The following MSANTD1 variants were observed in gnomAD, a reference collection of about 807,000 sequenced individuals.
MSANTD1 encodes myb/SANT-like DNA-binding domain-containing protein 1.
A neutral mutation model predicts 24.2 loss-of-function variants in MSANTD1; 7 were observed. That is an observed-to-expected ratio of 0.29 (90% confidence interval 0.16 to 0.54). The LOEUF (loss-of-function observed/expected upper bound fraction) is 0.54, where lower values mean the gene tolerates loss of function less well. Ranked by LOEUF, MSANTD1 falls within the 20% of genes least tolerant of loss-of-function variation. The pLI, the probability that MSANTD1 is intolerant of heterozygous loss-of-function variation, is 0.94. For missense variants in MSANTD1, 384 were observed against 408.2 expected (o/e 0.94, Z 0.51); for synonymous variants, 177 against 181.1 (o/e 0.98, Z 0.18).
rs1230661420 is a variant in MSANTD1 at position 3,255,848 on chromosome 4, C to G, written c.720C>G (p.Thr240=). 6.5e-7 allele frequency: 1 copy of G among 1,545,516 alleles called. No individual in the cohort carries two copies. The change falls in exon 3 of 3, where the codon ACC becomes ACG. Residue 240 remains threonine (T), a synonymous_variant. Coordinates refer to ENST00000438480, the MANE Select transcript of MSANTD1 (RefSeq NM_001042690.2). ...QRRLSRAVEE[T]CREVRRVLDQ... ...GGCTGAGCCGCGCCGTGGAGGAGAC[C>G]TGCCGCGAGGTGCGCCGCGTGCTGG...
upstream of MSANTD1, chr4:3,245,280 C>A (rs362296): frequency 0.29 from 44,225 of 152,388 alleles, 7,650 homozygotes; most frequent in East Asian, 0.37. Flanking sequence ...GGAGAGCACA[C>A]CCTGTCCCCT....
chr4:3,253,570 G>A, intron 2 of MSANTD1, 88 bp downstream of exon 2: 2 of 1,358,002 alleles, frequency 1.5e-6, no homozygotes, highest in Non-Finnish European at 1.9e-6. Flanking sequence ...AAGGCCGGCG[G>A]CGGCGGCCAC....
At chr4:3,254,736 A>G (rs1170598474) in intron 2 of MSANTD1, among the ~76,000 whole-genome samples, 1 of 152,154 alleles carries the variant, frequency 6.6e-6, no homozygotes, top group Admixed American at 6.5e-5. Flanking sequence ...CACCACCTCT[A>G]CCAGAGCTCT....
intron 1 of MSANTD1, among the ~76,000 whole-genome samples, chr4:3,251,778 T>C (rs1279556812): frequency 6.6e-6 from 1 of 151,234 alleles, no homozygotes; most frequent in African/African-American, 2.4e-5. Flanking sequence ...CTGTGGAGCA[T>C]GGTTTGTTGA....
Position 3,249,388 on chromosome 4 carries a change from C to T in MSANTD1, c.166C>T (p.Leu56=). The T allele has an allele frequency of 6.3e-7, 1 of 1,589,868 alleles. No individual in the cohort carries two copies. The highest frequency in any genetic ancestry group is 8.6e-7 in the Non-Finnish European group (1 of 1,169,570). The change falls in exon 1 of 3, where the codon CTG becomes TTG. Residue 56 remains leucine (L), a synonymous_variant. Coordinates refer to ENST00000438480, the MANE Select transcript of MSANTD1 (RefSeq NM_001042690.2). ...GGACGCCGAGATGCGCGGCCTCATGCTGGTCTGGGAGGAGTTCTTCGACGA... is the reference window on the plus strand; with the variant it reads ...GGACGCCGAGATGCGCGGCCTCATGTTGGTCTGGGAGGAGTTCTTCGACGA... ...WTDAEMRGLM[L]VWEEFFDELK... is the part of the protein sequence containing the mutation.
At chr4:3,246,975 G>A (rs566440420), upstream of MSANTD1, among the ~76,000 whole-genome samples, 12 of 152,260 alleles carry the variant, frequency 7.9e-5, no homozygotes, top group South Asian at 2.1e-4. Flanking sequence ...ACTGGAACTC[G>A]GGCAGGCAGG....
At chr4:3,246,566 C>A (rs1014396828), upstream of MSANTD1, 9 of 633,886 alleles carry the variant, frequency 1.4e-5, no homozygotes, top group African/African-American at 1.1e-4. Context: ...CCTGCCGAGG[C>A]CTGACCTGCC....
Position 3,255,890 on chromosome 4 carries a change from G to T in MSANTD1, c.762G>T (p.Leu254=). ...VRRVLDQQHI[L]QVQSLQLQER... ...GCGTGCTGGACCAGCAGCACATCCT[G>T]CAGGTGCAGAGCCTGCAGCTGCAGG... Residue 254 remains leucine, a synonymous_variant, in exon 3 of 3, where the codon CTG becomes CTT. Transcript: ENST00000438480. The T allele has an allele frequency of 1.3e-6, 2 of 1,545,606 alleles. No homozygotes were observed. Among genetic ancestry groups the T allele is most frequent in the Non-Finnish European group, 8.7e-7 (1 of 1,146,124 alleles).
intron 2 of MSANTD1, among the ~76,000 whole-genome samples, chr4:3,255,183 C>T (rs952256616): frequency 2.0e-5 from 3 of 152,246 alleles, no homozygotes; most frequent in South Asian, 2.1e-4. Context: ...TGGGGTCATC[C>T]GCTAGTCGCA....
Position 3,255,891 on chromosome 4 carries a change from C to A in MSANTD1, c.763C>A (p.Gln255Lys). 1 of 1,545,580 alleles carries A rather than the reference C, an allele frequency of 6.5e-7. No homozygotes were observed. Reference sequence around the variant, plus strand: ...CGTGCTGGACCAGCAGCACATCCTGCAGGTGCAGAGCCTGCAGCTGCAGGA... The same window carrying A: ...CGTGCTGGACCAGCAGCACATCCTGAAGGTGCAGAGCCTGCAGCTGCAGGA... ...RRVLDQQHIL[Q>K]VQSLQLQERM... is the part of the protein sequence containing the mutation. The change falls in exon 3 of 3, where the codon CAG becomes AAG. Residue 255 changes from glutamine (Q) to lysine (K), a missense_variant. Transcript: ENST00000438480.
chr4:3,251,593 C>T (rs1012502556), intron 1 of MSANTD1, among the ~76,000 whole-genome samples: 1 of 152,194 alleles, frequency 6.6e-6, no homozygotes, highest in African/African-American at 2.4e-5. Context: ...CCACATAGTC[C>T]TTAGCAGAGG....
At chr4:3,246,004 C>A (rs1361719056), upstream of MSANTD1, among the ~76,000 whole-genome samples, 1 of 152,172 alleles carries the variant, frequency 6.6e-6, no homozygotes, top group Non-Finnish European at 1.5e-5. Flanking sequence ...GCAGCTACCC[C>A]CAAAACTGCT....
upstream of MSANTD1, among the ~76,000 whole-genome samples, chr4:3,245,617 T>C (rs1423545561): frequency 6.6e-6 from 1 of 152,222 alleles, no homozygotes; most frequent in African/African-American, 2.4e-5. Context: ...ATGAGCACCG[T>C]GACAGTGTCT....
chr4:3,249,405 C>A lies in MSANTD1; in HGVS notation c.183C>A (p.Phe61Leu), dbSNP rs973483545. Residue 61 changes from phenylalanine (F) to leucine (L), a missense_variant, in exon 1 of 3, where the codon TTC (phenylalanine) becomes TTA (leucine). Coordinates refer to ENST00000438480, the MANE Select transcript of MSANTD1 (RefSeq NM_001042690.2). ...MRGLMLVWEE[F>L]FDELKQTKRN... ...GCCTCATGCTGGTCTGGGAGGAGTTCTTCGACGAGCTCAAGCAGACCAAGC... is the reference window on the plus strand; with the variant it reads ...GCCTCATGCTGGTCTGGGAGGAGTTATTCGACGAGCTCAAGCAGACCAAGC... 1.2e-6 allele frequency: 2 copies of A among 1,600,060 alleles called. No individual in the cohort carries two copies. The highest frequency in any genetic ancestry group is 1.7e-5 in the Admixed American group (1 of 57,800).
upstream of MSANTD1, chr4:3,247,438 C>T (rs991806879): frequency 2.0e-5 from 3 of 152,228 alleles, no homozygotes; most frequent in African/African-American, 7.2e-5. Flanking sequence ...CGGTCCCTGA[C>T]CTCACCGGGG....
chr4:3,246,754 C>T (rs1337871348), upstream of MSANTD1: 2 of 649,140 alleles, frequency 3.1e-6, no homozygotes, highest in Non-Finnish European at 5.6e-6. Flanking sequence ...CCATCTGCTG[C>T]CTGCCTGGTT....
intron 1 of MSANTD1, among the ~76,000 whole-genome samples, chr4:3,251,198 A>T (rs772046991): frequency 2.0e-5 from 3 of 152,200 alleles, no homozygotes; most frequent in Non-Finnish European, 2.9e-5. Flanking sequence ...GCACCTGGTG[A>T]GGAAGGGACG....
chr4:3,246,694 G>T, upstream of MSANTD1: 6 of 694,848 alleles, frequency 8.6e-6, no homozygotes, highest in Non-Finnish European at 1.6e-5. Flanking sequence ...CCCAGCAGGG[G>T]ACAGATGTGG....
At chr4:3,254,561 G>C (rs1722329946) in intron 2 of MSANTD1, among the ~76,000 whole-genome samples, 1 of 152,242 alleles carries the variant, frequency 6.6e-6, no homozygotes, top group Non-Finnish European at 1.5e-5. Flanking sequence ...TCTCAGCTCA[G>C]AGCAGAGTGT....
Sources: gnomAD v4.1 joint callset for allele counts (sites outside exome capture counted in the v4.1 genomes callset) on GRCh38, gnomAD v4.1.1 for gene constraint, MANE v1.5 for transcripts, NCBI Gene and HGNC (gene_info 2026-07-23, HGNC 2026-07-21) for gene names.